LCN9: variants seen among roughly 807,000 people sequenced by gnomAD.
The protein encoded by LCN9 is epididymal-specific lipocalin-9.
A neutral mutation model predicts 18.5 loss-of-function variants in LCN9; 22 were observed. The observed-to-expected ratio is 1.19, with a 90% confidence interval of 0.85 to 1.70. The LOEUF is 1.70. Ranked by LOEUF, LCN9 falls within the 40% of genes most tolerant of loss-of-function variation. The pLI is 0.00. For synonymous variants in LCN9, 89 were observed against 83.0 expected (o/e 1.07, Z -0.39); for missense variants, 202 against 201.3 (o/e 1.00, Z -0.02).
In LCN9 at chr9:135,664,206, G is replaced by A. The variant is rs74558273; in HGVS notation, c.141G>A (p.Leu47=). The A allele has an allele frequency of 2.8e-3, 4,542 of 1,613,726 alleles. 83 individuals carry two copies. The East Asian group carries it at 0.055, about 19-fold the overall frequency. Residue 47 remains leucine (L), a synonymous_variant, in exon 2 of 6, where the codon CTG becomes CTA. Transcript: ENST00000619315. The surrounding 1 kb of genome is among the most constrained non-coding windows in gnomAD (Gnocchi z 4.5). ...CTATTTTCATGGCCTCAGATGACCT[G>A]AATCGGATTAAAGAAAATGGAGACC...
Position 135,665,735 on chromosome 9 carries a change from TC to T in LCN9, c.467del (p.Ser156Ter). On this transcript the variant is annotated frameshift_variant, in exon 5 of 6. Coordinates refer to ENST00000619315, the Ensembl canonical transcript of LCN9. LOFTEE classifies it high-confidence loss of function. This position sits in a 1 kb window ranked among gnomAD's most constrained non-coding sequence, Gnocchi z 5.9. Reference sequence around the variant, plus strand: ...TACGGACTTGGCTCACAAAATATCATCGACTTGACCAACAAAGGTCAGCCCC... The same window carrying T: ...TACGGACTTGGCTCACAAAATATCATGACTTGACCAACAAAGGTCAGCCCC... The T allele has an allele frequency of 6.2e-7, 1 of 1,613,504 alleles. No individual in the cohort carries two copies. The highest frequency in any genetic ancestry group is 1.3e-5 in the African/African-American group (1 of 75,006).
chr9:135,665,587 C>G lies in LCN9; in HGVS notation c.419-101C>G. ...GGTCAGGGCGTGACCCCCTGCCCAG[C>G]CTCAGCACTTCCTGAGCACCCCCAG... On this transcript the variant is annotated intron_variant, in intron 4 of 5. Transcript: ENST00000619315. This position sits in a 1 kb window ranked among gnomAD's most constrained non-coding sequence, Gnocchi z 5.9. 1 of 1,202,572 alleles carries G rather than the reference C, an allele frequency of 8.3e-7. No individual in the cohort carries two copies. The highest frequency in any genetic ancestry group is 1.2e-6 in the Non-Finnish European group (1 of 837,382). The allele number at this position is 1,202,572 out of a possible 1,614,324, so 74.5% of individuals were successfully genotyped here.
rs1324962944 is a variant in LCN9, at chr9:135,664,144, G to C, written c.97-18G>C. ...GCTGTCCCGCGGCCCCCCACCCACT[G>C]GAGCTCTTTGTCTTCAGGTTTCAGG... On this transcript the variant is annotated intron_variant, in intron 1 of 5. Coordinates refer to ENST00000619315, the Ensembl canonical transcript of LCN9. This position sits in a 1 kb window ranked among gnomAD's most constrained non-coding sequence, Gnocchi z 4.5. The C allele has an allele frequency of 4.3e-6, 7 of 1,610,766 alleles. No homozygotes were observed. The highest frequency in any genetic ancestry group is 1.7e-5 in the Admixed American group (1 of 59,596).
In LCN9 at chr9:135,664,410, G is replaced by C. The variant is rs1834181941; in HGVS notation, c.233+112G>C. ...CGCACACTCACTGACTTGCACTCTG[G>C]TGAGAGCCTGAGCCTGTGCGTGTGA... On this transcript the variant is annotated intron_variant, in intron 2 of 5. Coordinates refer to ENST00000619315, the Ensembl canonical transcript of LCN9. The surrounding 1 kb of genome is among the most constrained non-coding windows in gnomAD (Gnocchi z 4.5). The C allele has an allele frequency of 2.2e-6, 3 of 1,387,460 alleles. No individual in the cohort carries two copies. Among genetic ancestry groups the C allele is most frequent in the Admixed American group, 1.7e-5 (1 of 57,948 alleles). The allele number at this position is 1,387,460 out of a possible 1,614,324, so 85.9% of individuals were successfully genotyped here. A position where few individuals can be genotyped will look rare whatever the true frequency, so the allele number is the denominator to read the frequency against.
In LCN9 at chr9:135,664,482, C is replaced by A. The variant is rs544785242; in HGVS notation, c.233+184C>A. ...GGGAGCAGGGACTTGGTCTGCCTGG[C>A]ACTGTGCTCTTCCCTGAAACATAGA... is the stretch of plus-strand genomic sequence containing the variant. On this transcript the variant is annotated intron_variant, in intron 2 of 5. Transcript: ENST00000619315. This position sits in a 1 kb window ranked among gnomAD's most constrained non-coding sequence, Gnocchi z 4.5. Among the ~76,000 whole-genome samples the A allele has an allele frequency of 3.3e-5, 5 of 152,178 alleles. No homozygotes were observed. Among genetic ancestry groups the A allele is most frequent in the African/African-American group, 1.2e-4 (5 of 41,504 alleles).
In LCN9 at chr9:135,664,343, C is replaced by T; in HGVS notation, c.233+45C>T. On this transcript the variant is annotated intron_variant, in intron 2 of 5. Coordinates refer to ENST00000619315, the Ensembl canonical transcript of LCN9. The surrounding 1 kb of genome is among the most constrained non-coding windows in gnomAD (Gnocchi z 4.5). ...GCTGGCATCAGGAAGACCCATGCCCCTGCCACCCCAACGCATACTCTCACT... is the reference window on the plus strand; with the variant it reads ...GCTGGCATCAGGAAGACCCATGCCCTTGCCACCCCAACGCATACTCTCACT... The T allele has an allele frequency of 6.2e-7, 1 of 1,610,384 alleles. No individual in the cohort carries two copies. The highest frequency in any genetic ancestry group is 8.5e-7 in the Non-Finnish European group (1 of 1,177,876).
At position 135,666,256 on chromosome 9, in the gene LCN9, A is replaced by G. The variant is rs969413772; in HGVS notation, c.*405A>G. ...TCCGCAGGGCTGTGCTCCCTCCACCAGCTCCCGGGAAGGGTCCTTCCTGCC... is the reference window on the plus strand; with the variant it reads ...TCCGCAGGGCTGTGCTCCCTCCACCGGCTCCCGGGAAGGGTCCTTCCTGCC... On this transcript the variant is annotated 3_prime_UTR_variant, in exon 6 of 6. Coordinates refer to ENST00000619315, the Ensembl canonical transcript of LCN9. 6 of 1,051,582 alleles carry G rather than the reference A, an allele frequency of 5.7e-6. No individual in the cohort carries two copies. The African/African-American group carries it at 9.5e-5, about 17-fold the overall frequency. The allele number at this position is 1,051,582 out of a possible 1,614,324, so 65.1% of individuals were successfully genotyped here.
Position 135,663,632 on chromosome 9 carries a change from G to T in LCN9, c.96+215G>T, listed in dbSNP as rs112466714. Among the ~76,000 whole-genome samples the T allele has an allele frequency of 1.5e-3, 223 of 152,078 alleles. 1 individual carries two copies. The highest frequency in any genetic ancestry group is 5.1e-3 in the African/African-American group (211 of 41,470). ...GAGTGACTGGGGCCCTGAGAGGTTA[G>T]AGGGGGCCCTGGGAGGGCAGAGGGG... is the stretch of plus-strand genomic sequence containing the variant. On this transcript the variant is annotated intron_variant, in intron 1 of 5. Transcript: ENST00000619315.
rs550744383 is a variant in LCN9, at chr9:135,666,419, T to A, written c.*568T>A. Reference sequence around the variant, plus strand: ...TCGGGCCCATCTTCATGCAGAATGATCTCCCGTCAAGACCTCAACTTCACA... The same window carrying A: ...TCGGGCCCATCTTCATGCAGAATGAACTCCCGTCAAGACCTCAACTTCACA... On this transcript the variant is annotated 3_prime_UTR_variant, in exon 6 of 6. Coordinates refer to ENST00000619315, the Ensembl canonical transcript of LCN9. 4 of 374,162 alleles carry A rather than the reference T, an allele frequency of 1.1e-5. No individual in the cohort carries two copies. The South Asian group carries it at 1.3e-4, about 12-fold the overall frequency. 23.2% of individuals were successfully genotyped at this position (374,162 alleles called of 1,614,324 possible).
At position 135,665,964 on chromosome 9, in the gene LCN9, G is replaced by A. The variant is rs970587616; in HGVS notation, c.*113G>A. On this transcript the variant is annotated 3_prime_UTR_variant, in exon 6 of 6. Coordinates refer to ENST00000619315, the Ensembl canonical transcript of LCN9. This position sits in a 1 kb window ranked among gnomAD's most constrained non-coding sequence, Gnocchi z 5.9. ...TGGATGGGGAGAGCTTGGGGCCAAC[G>A]TCAGAGGCTGCGGGGTCCCACCCCA... 3.0e-5 allele frequency: 48 copies of A among 1,599,822 alleles called. No homozygotes were observed. Among genetic ancestry groups the A allele is most frequent in the Middle Eastern group, 1.8e-4 (1 of 5,582 alleles).
Position 135,664,243 on chromosome 9 carries a change from G to A in LCN9, c.178G>A (p.Val60Ile), listed in dbSNP as rs750065712. ...AGAAAATGGAGACCTGAGGGTCTTC[G>A]TCCGGAATATTGAACACTTGAAGAA... is the stretch of plus-strand genomic sequence containing the variant. Residue 60 changes from valine to isoleucine, a missense_variant, in exon 2 of 6, where the codon GTC (valine) becomes ATC (isoleucine). Physicochemically the swap from Val to Ile is conservative, Grantham distance 29. Transcript: ENST00000619315. The surrounding 1 kb of genome is among the most constrained non-coding windows in gnomAD (Gnocchi z 4.5). 3.5e-5 allele frequency: 57 copies of A among 1,613,538 alleles called. 1 individual carries two copies. The highest frequency in any genetic ancestry group is 1.6e-4 in the Middle Eastern group (1 of 6,082).
chr9:135,663,346 G>C, exon 1 of LCN9: 1 of 1,613,836 alleles, frequency 6.2e-7, no homozygotes, highest in South Asian at 1.1e-5. Flanking sequence ...GCTGAGCCTG[G>C]GGCTGAGCCT....
Position 135,664,047 on chromosome 9 carries a change from T to C in LCN9, c.97-115T>C, listed in dbSNP as rs562236972. 6.1e-5 allele frequency: 68 copies of C among 1,122,158 alleles called. No homozygotes were observed. In the African/African-American group the frequency reaches 1.0e-3, roughly 17 times the overall value. 69.5% of individuals were successfully genotyped at this position (1,122,158 alleles called of 1,614,324 possible). ...TGGGGGCACTGGAAGGGCGGAGGGG[T>C]TCTGGTTGGGAGCCAGATGCTAAGG... On this transcript the variant is annotated intron_variant, in intron 1 of 5. Coordinates refer to ENST00000619315, the Ensembl canonical transcript of LCN9. This position sits in a 1 kb window ranked among gnomAD's most constrained non-coding sequence, Gnocchi z 4.5.
chr9:135,664,059 G>A lies in LCN9; in HGVS notation c.97-103G>A. On this transcript the variant is annotated intron_variant, in intron 1 of 5. Coordinates refer to ENST00000619315, the Ensembl canonical transcript of LCN9. This position sits in a 1 kb window ranked among gnomAD's most constrained non-coding sequence, Gnocchi z 4.5. ...AAGGGCGGAGGGGTTCTGGTTGGGA[G>A]CCAGATGCTAAGGGGCCGGGCCCTG... The A allele has an allele frequency of 3.1e-6, 4 of 1,285,224 alleles. No homozygotes were observed. The highest frequency in any genetic ancestry group is 4.3e-6 in the Non-Finnish European group (4 of 930,890). The allele number at this position is 1,285,224 out of a possible 1,614,324, so 79.6% of individuals were successfully genotyped here.
In LCN9 at chr9:135,665,561, T is replaced by C. The variant is rs1834203781; in HGVS notation, c.419-127T>C. The C allele has an allele frequency of 8.4e-6, 8 of 955,486 alleles. No homozygotes were observed. The highest frequency in any genetic ancestry group is 1.3e-5 in the Non-Finnish European group (8 of 625,266). The allele number at this position is 955,486 out of a possible 1,614,324, so 59.2% of individuals were successfully genotyped here. ...TCTCACTTGGCACAAAGCCCCTCTC[T>C]GGTCAGGGCGTGACCCCCTGCCCAG... On this transcript the variant is annotated intron_variant, in intron 4 of 5. Coordinates refer to ENST00000619315, the Ensembl canonical transcript of LCN9. This position sits in a 1 kb window ranked among gnomAD's most constrained non-coding sequence, Gnocchi z 5.9.
chr9:135,665,531 TC>T lies in LCN9; in HGVS notation c.419-154del. 1.2e-6 allele frequency: 1 copy of T among 836,558 alleles called. No individual in the cohort carries two copies. 51.8% of individuals were successfully genotyped at this position (836,558 alleles called of 1,614,324 possible). On this transcript the variant is annotated intron_variant, in intron 4 of 5. Transcript: ENST00000619315. This position sits in a 1 kb window ranked among gnomAD's most constrained non-coding sequence, Gnocchi z 5.9. Reference sequence around the variant, plus strand: ...GTGCTGGGTGCTTCAATCTGTCACCTCCCATCTCACTTGGCACAAAGCCCCT... The same window carrying T: ...GTGCTGGGTGCTTCAATCTGTCACCTCCATCTCACTTGGCACAAAGCCCCT...
chr9:135,663,463 C>T lies in LCN9; in HGVS notation c.96+46C>T, dbSNP rs373022130. 125 of 1,551,014 alleles carry T rather than the reference C, an allele frequency of 8.1e-5. No individual in the cohort carries two copies. In the African/African-American group the frequency reaches 8.1e-4, roughly 10 times the overall value. ...GTGGGGAAGGGGCCAGGCTTCAAGG[C>T]ACCTGTCTTCCCCCAGCCTGGGGTC... On this transcript the variant is annotated intron_variant, in intron 1 of 5. Transcript: ENST00000619315.
Position 135,665,584 on chromosome 9 carries a change from C to T in LCN9, c.419-104C>T. 1.7e-6 allele frequency: 2 copies of T among 1,180,324 alleles called. No homozygotes were observed. Among genetic ancestry groups the T allele is most frequent in the Non-Finnish European group, 1.2e-6 (1 of 819,088 alleles). The allele number at this position is 1,180,324 out of a possible 1,614,324, so 73.1% of individuals were successfully genotyped here. Reference sequence around the variant, plus strand: ...TCTGGTCAGGGCGTGACCCCCTGCCCAGCCTCAGCACTTCCTGAGCACCCC... The same window carrying T: ...TCTGGTCAGGGCGTGACCCCCTGCCTAGCCTCAGCACTTCCTGAGCACCCC... On this transcript the variant is annotated intron_variant, in intron 4 of 5. Transcript: ENST00000619315. This position sits in a 1 kb window ranked among gnomAD's most constrained non-coding sequence, Gnocchi z 5.9.
At position 135,663,424 on chromosome 9, in the gene LCN9, C is replaced by T; in HGVS notation, c.96+7C>T. 6.2e-7 allele frequency: 1 copy of T among 1,612,936 alleles called. No individual in the cohort carries two copies. Among genetic ancestry groups the T allele is most frequent in the Non-Finnish European group, 8.5e-7 (1 of 1,179,050 alleles). ...GAACTACAACGTGGCCAGGGTGTGT[C>T]TGCGTTGGGGTCTGTGGGGAAGGGG... On this transcript the variant is annotated splice_region_variant and intron_variant, in intron 1 of 5. Transcript: ENST00000619315.
Sources: gnomAD v4.1 joint callset for allele counts (sites outside exome capture counted in the v4.1 genomes callset) on GRCh38, gnomAD v4.1.1 for gene constraint, Gnocchi (gnomAD v3.1) non-coding constraint, MANE v1.5 for transcripts, NCBI Gene and HGNC (gene_info 2026-07-23, HGNC 2026-07-21) for gene names.